The following STPG2 variants were observed in gnomAD, a reference collection of about 807,000 sequenced individuals.
STPG2 encodes the protein sperm tail PG-rich repeat containing 2.
Under a neutral mutation model 54.2 loss-of-function variants are expected in STPG2, and 56 were observed. The ratio of observed to expected loss-of-function variants is 1.03; its 90% CI spans 0.83 to 1.29. STPG2 has a LOEUF of 1.29. Among genes scored for constraint, STPG2 ranks in the 50% most tolerant of loss-of-function variants. The pLI is 0.00. For missense variants in STPG2, 596 were observed against 544.9 expected, an observed-to-expected ratio of 1.09 and a Z score of -0.93; for synonymous variants, 200 against 181.8, an observed-to-expected ratio of 1.10 and a Z score of -0.81.
At chr4:98,063,574 T>C (rs1439888224) in intron 5 of STPG2, among the ~76,000 whole-genome samples, 4 of 152,120 alleles carry the variant, frequency 2.6e-5, no homozygotes, top group Non-Finnish European at 5.9e-5. Flanking sequence ...TGTACTTTTA[T>C]GGAAATAATG....
chr4:97,969,365 T>G (rs968800609), intron 7 of STPG2, among the ~76,000 whole-genome samples: 1 of 152,194 alleles, frequency 6.6e-6, no homozygotes, highest in African/African-American at 2.4e-5. Flanking sequence ...TTCATCCCCA[T>G]GTGACCATCT....
chr4:97,950,483 C>A (rs1378923253), intron 7 of STPG2, among the ~76,000 whole-genome samples: 3 of 152,114 alleles, frequency 2.0e-5, no homozygotes, highest in African/African-American at 7.2e-5. Flanking sequence ...TCTCTTCATT[C>A]ATATGCTGAT....
intron 4 of STPG2, among the ~76,000 whole-genome samples, chr4:97,513,204 C>G (rs755659079): frequency 2.0e-5 from 3 of 152,028 alleles, no homozygotes; most frequent in Non-Finnish European, 2.9e-5. Context: ...AAGAACTGCA[C>G]AGGGCAAGGT....
chr4:97,918,015 G>C (rs1731949399), intron 8 of STPG2, among the ~76,000 whole-genome samples: 1 of 151,966 alleles, frequency 6.6e-6, no homozygotes. Flanking sequence ...GGAGAACTCT[G>C]CATTTAACAA....
intron 9 of STPG2, among the ~76,000 whole-genome samples, chr4:97,731,781 C>T (rs1282120454): frequency 1.3e-5 from 2 of 152,204 alleles, no homozygotes; most frequent in Non-Finnish European, 2.9e-5. Flanking sequence ...GATGGGGGCT[C>T]CTTCCCCACT....
At chr4:97,968,570 T>G (rs1005468421) in intron 7 of STPG2, among the ~76,000 whole-genome samples, 3 of 151,838 alleles carry the variant, frequency 2.0e-5, no homozygotes, top group Non-Finnish European at 4.4e-5. Flanking sequence ...CAGCAGCATA[T>G]CAAAAAGCTT....
intron 10 of STPG2, among the ~76,000 whole-genome samples, chr4:97,631,909 A>T (rs1721294821): frequency 6.6e-6 from 1 of 152,142 alleles, no homozygotes; most frequent in African/African-American, 2.4e-5. Flanking sequence ...AAGAAAAGAT[A>T]GATTAAATGT....
intron 4 of STPG2, among the ~76,000 whole-genome samples, chr4:97,535,274 G>A (rs1264570339): frequency 6.6e-6 from 1 of 152,126 alleles, no homozygotes; most frequent in Admixed American, 6.6e-5. Context: ...CAGTTGCTCT[G>A]CAGCTCTCAC....
intron 10 of STPG2, among the ~76,000 whole-genome samples, chr4:97,645,675 T>C (rs926645789): frequency 6.6e-6 from 1 of 152,110 alleles, no homozygotes; most frequent in Non-Finnish European, 1.5e-5. Context: ...AGATGGTATG[T>C]CCTACCACCA....
At position 97,457,364 on chromosome 4, in the gene STPG2, C is replaced by T. The variant is rs55782826; in HGVS notation, c.462+255335G>A. 6.6e-3 allele frequency among the ~76,000 whole-genome samples: 1,002 copies of T among 152,292 alleles called. 4 individuals are homozygous for T. The highest frequency in any genetic ancestry group is 9.3e-3 in the Non-Finnish European group (633 of 68,020). On this transcript the variant is annotated intron_variant, in intron 4 of 4. Transcript: ENST00000522676. The stretch of plus-strand genomic sequence containing the variant: ...CTTAATTAGGAGGCCATTAGGCTGA[C>T]GCAACTCCAGTGCCTATGTAATCAA...
chr4:97,589,578 T>G (rs1400057788), intron 10 of STPG2, among the ~76,000 whole-genome samples: 2 of 152,150 alleles, frequency 1.3e-5, no homozygotes, highest in African/African-American at 4.8e-5. Context: ...TGTAAAAGGC[T>G]AAATAGCAAA....
intron 8 of STPG2, among the ~76,000 whole-genome samples, chr4:97,927,388 C>A (rs1732372752): frequency 6.6e-6 from 1 of 151,962 alleles, no homozygotes; most frequent in Admixed American, 6.6e-5. Flanking sequence ...ATAAATTGAC[C>A]TAAGAAAGTA....
intron 4 of STPG2, among the ~76,000 whole-genome samples, chr4:97,538,962 A>G (rs1731616277): frequency 6.6e-6 from 1 of 152,192 alleles, no homozygotes; most frequent in African/African-American, 2.4e-5. Flanking sequence ...AGTGGAGGAG[A>G]AATAAAATCC....
At chr4:98,063,649 A>T (rs966050503) in intron 5 of STPG2, among the ~76,000 whole-genome samples, 3 of 147,602 alleles carry the variant, frequency 2.0e-5, no homozygotes, top group African/African-American at 7.6e-5. Context: ...AATCTCTAAA[A>T]TTAAGCAATT....
intron 8 of STPG2, among the ~76,000 whole-genome samples, chr4:97,938,864 A>C (rs965104217): frequency 6.6e-6 from 1 of 151,904 alleles, no homozygotes; most frequent in Non-Finnish European, 1.5e-5. Context: ...GGTTCTTCTC[A>C]GTGGGAGCCT....
At chr4:98,048,339 G>C (rs1056584456) in intron 5 of STPG2, among the ~76,000 whole-genome samples, 1 of 152,196 alleles carries the variant, frequency 6.6e-6, no homozygotes, top group African/African-American at 2.4e-5. Flanking sequence ...CATATAATTA[G>C]AGAAAGTAGC....
chr4:98,093,629 G>A (rs1026526368), intron 5 of STPG2, among the ~76,000 whole-genome samples: 1 of 152,128 alleles, frequency 6.6e-6, no homozygotes, highest in African/African-American at 2.4e-5. Context: ...ACTTCATAAC[G>A]CTAAAAGAGG....
chr4:97,464,734 T>C (rs1463104249), intron 4 of STPG2, among the ~76,000 whole-genome samples: 1 of 152,188 alleles, frequency 6.6e-6, no homozygotes, highest in Non-Finnish European at 1.5e-5. Flanking sequence ...CATGTCACCA[T>C]ATAATAGTAG....
intron 4 of STPG2, among the ~76,000 whole-genome samples, chr4:97,442,907 C>T (rs1346306788): frequency 6.6e-6 from 1 of 151,906 alleles, no homozygotes; most frequent in East Asian, 1.9e-4. Context: ...TACCTCATGT[C>T]TAGGAGATAT....
Sources: gnomAD v4.1 joint callset for allele counts (sites outside exome capture counted in the v4.1 genomes callset) on GRCh38, gnomAD v4.1.1 for gene constraint, MANE v1.5 for transcripts, NCBI Gene and HGNC (gene_info 2026-07-23, HGNC 2026-07-21) for gene names.